Variants in MMAB observed in about 807,000 individuals in gnomAD.
MMAB encodes corrinoid adenosyltransferase MMAB.
Under a neutral mutation model 30.6 loss-of-function variants are expected in MMAB, and 17 were observed. The ratio of observed to expected loss-of-function variants is 0.56; its 90% confidence interval spans 0.38 to 0.83. The LOEUF is 0.83. Among genes scored for constraint, MMAB ranks in the 40% least tolerant of loss-of-function variants. MMAB has a pLI of 0.00. For missense variants in MMAB, 311 were observed against 331.6 expected, an observed-to-expected ratio of 0.94 and a Z score of 0.48; for synonymous variants, 134 against 138.6, an observed-to-expected ratio of 0.97 and a Z score of 0.23.
intron 4 of MMAB, among the ~76,000 whole-genome samples, chr12:109,563,848 GGGCT>G (rs1460411491): frequency 6.6e-6 from 1 of 152,240 alleles, no homozygotes; most frequent in Non-Finnish European, 1.5e-5. Flanking sequence ...GAAGTGGGAA[GGGCT>G]GACCCTGCGG....
chr12:109,573,477 C>G lies in MMAB; in HGVS notation c.4G>C (p.Ala2Pro), dbSNP rs1157166932. M[A>P]VCGLGSRLGL... ...AGACGGCTCCCCAGGCCGCACACAGCCATGAGCCAGGCTGCTTGACGGGAC... is the reference window on the plus strand; with the variant it reads ...AGACGGCTCCCCAGGCCGCACACAGGCATGAGCCAGGCTGCTTGACGGGAC... Residue 2 changes from alanine to proline, a missense_variant, in exon 1 of 9, where the codon GCT becomes CCT. Physicochemically the swap from Ala to Pro is conservative, Grantham distance 27. Coordinates refer to ENST00000545712, the MANE Select transcript of MMAB (RefSeq NM_052845.4). The G allele has an allele frequency of 1.1e-5, 18 of 1,603,066 alleles. No individual in the cohort carries two copies. Among genetic ancestry groups the G allele is most frequent in the Admixed American group, 1.7e-5 (1 of 59,388 alleles).
In MMAB at chr12:109,556,312, G is replaced by A. The variant is rs886048921; in HGVS notation, c.*716C>T. 2 of 453,550 alleles carry A rather than the reference G, an allele frequency of 4.4e-6. No homozygotes were observed. Among genetic ancestry groups the A allele is most frequent in the East Asian group, 6.9e-5 (1 of 14,398 alleles). The allele number at this position is 453,550 out of a possible 1,614,324, so 28.1% of individuals were successfully genotyped here. On this transcript the variant is annotated 3_prime_UTR_variant, in exon 9 of 9. Coordinates refer to ENST00000545712, the MANE Select transcript of MMAB (RefSeq NM_052845.4). ...ACCCTTGACTCAGTCCAACCAGACA[G>A]GGAATGTTCACCTTCAAGTGGTAGT...
chr12:109,571,162 A>C (rs1006957299), intron 2 of MMAB, among the ~76,000 whole-genome samples: 1 of 152,112 alleles, frequency 6.6e-6, no homozygotes, highest in Admixed American at 6.5e-5. Flanking sequence ...GGCTTTTGTC[A>C]TTTAATATCT....
At chr12:109,564,387 T>G (rs530556897) in intron 4 of MMAB, among the ~76,000 whole-genome samples, 35 of 151,044 alleles carry the variant, frequency 2.3e-4, no homozygotes, top group Non-Finnish European at 2.7e-4. Flanking sequence ...AGGTTTTTTT[T>G]TTTTTTTTTT....
rs1883970797 is a variant in MMAB at position 109,556,385 on chromosome 12, C to T, written c.*643G>A. 1 of 453,960 alleles carries T rather than the reference C, an allele frequency of 2.2e-6. No homozygotes were observed. The highest frequency in any genetic ancestry group is 4.4e-6 in the Non-Finnish European group (1 of 226,790). 28.1% of individuals were successfully genotyped at this position (453,960 alleles called of 1,614,324 possible). ...TCCCTTTCAGAGGGGGTCCTCTAAG[C>T]TGCACCCCCATCACACACACTTCAA... is the stretch of plus-strand genomic sequence containing the variant. On this transcript the variant is annotated 3_prime_UTR_variant, in exon 9 of 9. Coordinates refer to ENST00000545712, the MANE Select transcript of MMAB (RefSeq NM_052845.4).
intron 1 of MMAB, among the ~76,000 whole-genome samples, chr12:109,572,679 C>G (rs1288966290): frequency 1.3e-5 from 2 of 152,084 alleles, no homozygotes; most frequent in Non-Finnish European, 2.9e-5. Flanking sequence ...CTCAGCCTCC[C>G]AAGTAGCTAG....
chr12:109,565,148 C>G lies in MMAB; in HGVS notation c.319G>C (p.Gly107Arg). Residue 107 changes from glycine to arginine, a missense_variant, in exon 4 of 9, where the codon GGC (glycine) becomes CGC (arginine). By Grantham distance (125) the Gly-to-Arg change is moderately radical (BLOSUM62 -2). Coordinates refer to ENST00000545712, the MANE Select transcript of MMAB (RefSeq NM_052845.4). ...GFALELVTEK[G>R]HTFAEELQKI... ...TGAAGCTCTTCGGCAAATGTATGGC[C>G]CTTTTCTGTGACTAATTCCAGAGCA... 6.2e-7 allele frequency: 1 copy of G among 1,613,934 alleles called. No individual in the cohort carries two copies. Among genetic ancestry groups the G allele is most frequent in the South Asian group, 1.1e-5 (1 of 91,052 alleles).
intron 1 of MMAB, among the ~76,000 whole-genome samples, chr12:109,572,755 A>C (rs1170140426): frequency 6.6e-6 from 1 of 152,198 alleles, no homozygotes; most frequent in East Asian, 1.9e-4. Flanking sequence ...CTCTTGCAGG[A>C]AAAGAAACCT....
Position 109,561,799 on chromosome 12 carries a change from C to T in MMAB, c.402G>A (p.Ser134=), listed in dbSNP as rs756766385. Residue 134 remains serine, a synonymous_variant, in exon 5 of 9, where the codon TCG becomes TCA. Transcript: ENST00000545712. The surrounding 1 kb of genome is among the most constrained non-coding windows in gnomAD (Gnocchi z 5.3). ...VGSALATPCS[S]AREAHLKYTT... is the part of the protein sequence containing the mutation. ...AATTACTTAAGTGAGCCTCCCGGGC[C>T]GAGGAGCATGGTGTCGCCAGGGCCG... The T allele has an allele frequency of 5.0e-5, 81 of 1,609,306 alleles. No individual in the cohort carries two copies. Among genetic ancestry groups the T allele is most frequent in the Admixed American group, 4.2e-4 (25 of 59,660 alleles).
intron 3 of MMAB, chr12:109,568,562 G>A (rs953661136): frequency 2.5e-5 from 16 of 633,892 alleles, no homozygotes; most frequent in African/African-American, 1.1e-4. Context: ...AGAGGCCAGC[G>A]CAGGCACAGG....
At chr12:109,573,306 C>T (rs1884728221) in intron 1 of MMAB, 41 bp downstream of exon 1, 1 of 1,611,806 alleles carries the variant, frequency 6.2e-7, no homozygotes, top group Admixed American at 1.7e-5. Context: ...CACCACGATT[C>T]ACGGCAGGTG....
chr12:109,567,732 A>C (rs1165693793), intron 3 of MMAB: 1 of 151,724 alleles, frequency 6.6e-6, no homozygotes, highest in South Asian at 2.1e-4. Flanking sequence ...CCCAGACTCA[A>C]GTGATCCTCC....
At chr12:109,566,922 C>T (rs943162924) in intron 3 of MMAB, 33 of 454,460 alleles carry the variant, frequency 7.3e-5, no homozygotes, top group Admixed American at 1.2e-4. Context: ...TTCTGGACCC[C>T]CTCCCACACA....
In MMAB at chr12:109,568,813, A is replaced by G. The variant is rs571555515; in HGVS notation, c.247T>C (p.Phe83Leu). 5 of 1,614,224 alleles carry G rather than the reference A, an allele frequency of 3.1e-6. No individual in the cohort carries two copies. The East Asian group carries it at 6.7e-5, about 22-fold the overall frequency. ...TCATCTGTAGTTCCCACGGCTTCAA[A>G]CACTTGGTCATCTTTGGGTCTCCTT... ...GERRPKDDQV[F>L]EAVGTTDELS... The change falls in exon 3 of 9, where the codon TTT (phenylalanine) becomes CTT (leucine). Residue 83 changes from phenylalanine to leucine, a missense_variant. By Grantham distance (22) the Phe-to-Leu change is conservative. Transcript: ENST00000545712.
intron 3 of MMAB, chr12:109,567,050 G>C (rs1249475447): frequency 4.4e-6 from 2 of 455,824 alleles, no homozygotes; most frequent in African/African-American, 4.0e-5. Flanking sequence ...GCCAGGAACA[G>C]GTAAGTGTTA....
intron 1 of MMAB, among the ~76,000 whole-genome samples, chr12:109,572,243 A>AT (rs145037438): frequency 0.053 from 8,008 of 151,054 alleles, 293 homozygotes; most frequent in Non-Finnish European, 0.082. Context: ...TTATTTATTT[A>AT]TTATTATTAT....
At chr12:109,566,287 A>G (rs528959933) in intron 3 of MMAB, among the ~76,000 whole-genome samples, 1 of 152,254 alleles carries the variant, frequency 6.6e-6, no homozygotes, top group Non-Finnish European at 1.5e-5. Context: ...ACCAGGTGAT[A>G]AGGTCAGCCT....
chr12:109,556,427 C>T lies in MMAB; in HGVS notation c.*601G>A, dbSNP rs902668830. The T allele has an allele frequency of 1.3e-5, 6 of 453,998 alleles. No homozygotes were observed. In the Admixed American group the frequency reaches 1.4e-4, roughly 11 times the overall value. The allele number at this position is 453,998 out of a possible 1,614,324, so 28.1% of individuals were successfully genotyped here. ...ACACTTCAATCTAAGCCAGGAGTTT[C>T]TGAGCCTCGCCTGTCAATCTGCAGC... On this transcript the variant is annotated 3_prime_UTR_variant, in exon 9 of 9. Coordinates refer to ENST00000545712, the MANE Select transcript of MMAB (RefSeq NM_052845.4).
Position 109,561,732 on chromosome 12 carries a change from C to T in MMAB, c.421+48G>A. 1.3e-6 allele frequency: 2 copies of T among 1,517,798 alleles called. No homozygotes were observed. The highest frequency in any genetic ancestry group is 9.0e-7 in the Non-Finnish European group (1 of 1,109,148). The allele number at this position is 1,517,798 out of a possible 1,614,324, so 94.0% of individuals were successfully genotyped here. ...TCCCAGATGGTGACCCTAGGAGAGT[C>T]CCCTGACCCTAGGGCCCTCTGAACA... On this transcript the variant is annotated intron_variant, in intron 5 of 8. Coordinates refer to ENST00000545712, the MANE Select transcript of MMAB (RefSeq NM_052845.4). The surrounding 1 kb of genome is among the most constrained non-coding windows in gnomAD (Gnocchi z 5.3).
Sources: gnomAD v4.1 joint callset for allele counts (sites outside exome capture counted in the v4.1 genomes callset) on GRCh38, gnomAD v4.1.1 for gene constraint, Gnocchi (gnomAD v3.1) non-coding constraint, MANE v1.5 for transcripts, NCBI Gene and HGNC (gene_info 2026-07-23, HGNC 2026-07-21) for gene names.